The following KCNT2 variants were observed in gnomAD, a reference collection of about 807,000 sequenced individuals.
KCNT2 encodes the protein potassium channel subfamily T member 2.
In KCNT2, 67 loss-of-function variants were observed where a neutral mutation model predicts 153.8. The observed-to-expected ratio is 0.44, with a 90% CI of 0.36 to 0.53. KCNT2 has a LOEUF of 0.53. KCNT2 is among the 20% of genes least tolerant of loss of function. The pLI is 0.00. For missense variants in KCNT2, 975 were observed against 1,354.8 expected (o/e 0.72, Z 4.40); for synonymous variants, 500 against 458.8 (o/e 1.09, Z -1.15).
chr1:196,420,364 G>C (rs553528270), intron 12 of KCNT2, among the ~76,000 whole-genome samples: 1 of 151,718 alleles, frequency 6.6e-6, no homozygotes, highest in South Asian at 2.1e-4. Context: ...TTCTCTTTTT[G>C]TGTATGGTTT....
At chr1:196,412,729 A>G (rs184396300) in intron 12 of KCNT2, among the ~76,000 whole-genome samples, 40 of 151,834 alleles carry the variant, frequency 2.6e-4, no homozygotes, top group Non-Finnish European at 5.3e-4. Context: ...AACACGAAAA[A>G]GGAAAAAGAA....
In KCNT2 at chr1:196,238,531, G is replaced by A. The variant is rs1654651708; in HGVS notation, c.3212-2461C>T. Among the ~76,000 whole-genome samples, 3 of 152,052 alleles carry A rather than the reference G, an allele frequency of 2.0e-5. No homozygotes were observed. The South Asian group carries it at 6.2e-4, about 32-fold the overall frequency. On this transcript the variant is annotated intron_variant, in intron 26 of 27. Transcript: ENST00000294725. ...CTCACTGACTTTTCCTAAGGGAGGA[G>A]GAATGACTTATCTTTTAGAATTAGG... is the stretch of plus-strand genomic sequence containing the variant.
At chr1:196,389,909 T>C (rs1162548771) in intron 13 of KCNT2, among the ~76,000 whole-genome samples, 3 of 151,666 alleles carry the variant, frequency 2.0e-5, no homozygotes, top group Non-Finnish European at 4.4e-5. Flanking sequence ...CTACTATGTC[T>C]GCTCAGAGTG....
At chr1:196,494,374 A>G (rs1406908045) in intron 1 of KCNT2, among the ~76,000 whole-genome samples, 1 of 152,184 alleles carries the variant, frequency 6.6e-6, no homozygotes, top group Non-Finnish European at 1.5e-5. Context: ...ATTGGAGTTC[A>G]GTACTGGGTA....
At chr1:196,601,638 G>A (rs1162985435) in intron 1 of KCNT2, among the ~76,000 whole-genome samples, 1 of 152,116 alleles carries the variant, frequency 6.6e-6, no homozygotes, top group South Asian at 2.1e-4. Flanking sequence ...CTACTGATAC[G>A]GTGATTATTT....
rs73065810 is a variant in KCNT2, at chr1:196,299,757, C to G, written c.2595+5477G>C. Among the ~76,000 whole-genome samples the G allele has an allele frequency of 7.8e-3, 1,185 of 152,144 alleles. 17 individuals carry two copies. The highest frequency in any genetic ancestry group is 0.027 in the African/African-American group (1,133 of 41,504). ...AGTAATCTCACTGCTAGGTATACATCCAAAGGAAAGAAAATTAGTATTTCA... is the reference window on the plus strand; with the variant it reads ...AGTAATCTCACTGCTAGGTATACATGCAAAGGAAAGAAAATTAGTATTTCA... On this transcript the variant is annotated intron_variant, in intron 22 of 27. Transcript: ENST00000294725.
At chr1:196,231,441 C>CA (rs1653946634) in intron 27 of KCNT2, among the ~76,000 whole-genome samples, 1 of 151,364 alleles carries the variant, frequency 6.6e-6, no homozygotes, top group Non-Finnish European at 1.5e-5. Context: ...AGAATTAAAA[C>CA]AAAATCACAA....
In KCNT2 at chr1:196,331,026, A is replaced by T. The variant is rs577025626; in HGVS notation, c.2103+130T>A. The T allele has an allele frequency of 4.6e-5, 28 of 607,784 alleles. No individual in the cohort carries two copies. In the African/African-American group the frequency reaches 4.7e-4, roughly 10 times the overall value. 37.6% of individuals were successfully genotyped at this position (607,784 alleles called of 1,614,324 possible). On this transcript the variant is annotated intron_variant, in intron 18 of 27. Coordinates refer to ENST00000294725, the MANE Select transcript of KCNT2 (RefSeq NM_198503.5). ...AACTGACCACTTTATATAAATTTAC[A>T]TTGGAAAAGATAATACCAATACCCC...
chr1:196,421,303 G>T (rs907221616), intron 12 of KCNT2, among the ~76,000 whole-genome samples: 2 of 151,854 alleles, frequency 1.3e-5, no homozygotes, highest in African/African-American at 4.8e-5. Context: ...ATTACAAAGG[G>T]TACTCTAGAA....
chr1:196,502,801 C>A (rs1680807664), intron 1 of KCNT2, among the ~76,000 whole-genome samples: 1 of 152,122 alleles, frequency 6.6e-6, no homozygotes, highest in Admixed American at 6.6e-5. Flanking sequence ...ACTCTCTGTA[C>A]TTCCCCATTT....
At chr1:196,479,138 T>C (rs1359831467) in intron 5 of KCNT2, 41 bp downstream of exon 5, 7 of 1,200,668 alleles carry the variant, frequency 5.8e-6, no homozygotes, top group Non-Finnish European at 8.6e-6. Flanking sequence ...ATACTACAGA[T>C]GTGTTCTATC....
chr1:196,559,345 T>C (rs1185087148), intron 1 of KCNT2, among the ~76,000 whole-genome samples: 2 of 151,708 alleles, frequency 1.3e-5, no homozygotes, highest in African/African-American at 4.8e-5. Flanking sequence ...GCACAGAAAC[T>C]CATCCCATGA....
chr1:196,368,644 CT>C (rs1448252854), intron 14 of KCNT2, among the ~76,000 whole-genome samples: 4 of 152,080 alleles, frequency 2.6e-5, no homozygotes, highest in African/African-American at 9.7e-5. Flanking sequence ...AATCCAGTTC[CT>C]TTTAGAAATC....
intron 1 of KCNT2, among the ~76,000 whole-genome samples, chr1:196,595,244 TATTGATATTAATGAATTA>T (rs1160434178): frequency 2.0e-5 from 3 of 152,084 alleles, no homozygotes; most frequent in Admixed American, 2.0e-4. Flanking sequence ...GAAATAATTA[TATTGATATTAATGAATTA>T]ATTGATATTA....
At chr1:196,335,489 T>C (rs1664935210) in intron 16 of KCNT2, among the ~76,000 whole-genome samples, 1 of 152,144 alleles carries the variant, frequency 6.6e-6, no homozygotes, top group Non-Finnish European at 1.5e-5. Context: ...TGTAGTCAAT[T>C]CTAACACAAT....
chr1:196,458,170 A>C (rs1426129064), intron 8 of KCNT2, among the ~76,000 whole-genome samples: 1 of 151,858 alleles, frequency 6.6e-6, no homozygotes, highest in East Asian at 1.9e-4. Context: ...TGAATGGGTG[A>C]CTGCTTAATT....
At chr1:196,428,892 G>A (rs754074535) in intron 9 of KCNT2, among the ~76,000 whole-genome samples, 4 of 152,060 alleles carry the variant, frequency 2.6e-5, no homozygotes, top group Non-Finnish European at 5.9e-5. Flanking sequence ...GCTTATTATA[G>A]GAAAGAGTTA....
intron 12 of KCNT2, among the ~76,000 whole-genome samples, chr1:196,422,208 A>T (rs1380572871): frequency 6.6e-6 from 1 of 152,024 alleles, no homozygotes; most frequent in Non-Finnish European, 1.5e-5. Context: ...CCCATTCAGG[A>T]CTTACAGTCC....
chr1:196,370,802 C>T (rs1668459743), intron 14 of KCNT2, among the ~76,000 whole-genome samples: 2 of 152,022 alleles, frequency 1.3e-5, no homozygotes, highest in Admixed American at 1.3e-4. Flanking sequence ...ACCCAAATAC[C>T]CACCAACTGA....
Sources: allele counts gnomAD v4.1 joint callset (sites outside exome capture counted in the v4.1 genomes callset), GRCh38; gene constraint gnomAD v4.1.1; transcripts MANE v1.5; gene names NCBI Gene and HGNC (gene_info 2026-07-23, HGNC 2026-07-21).